Variants in PTPRD observed in about 807,000 individuals in gnomAD.
PTPRD encodes receptor-type tyrosine-protein phosphatase delta.
In PTPRD, 34 loss-of-function variants were observed where a neutral mutation model predicts 214.5. The ratio of observed to expected loss-of-function variants is 0.16; its 90% CI spans 0.12 to 0.21. PTPRD has a LOEUF of 0.21. Ranked by LOEUF, PTPRD falls within the 10% of genes least tolerant of loss-of-function variation. The pLI is 1.00. For synonymous variants in PTPRD, 1,128 were observed against 845.7 expected (o/e 1.33, Z -5.79); for missense variants, 2,545 against 2,398.7 (o/e 1.06, Z -1.27).
intron 8 of PTPRD, among the ~76,000 whole-genome samples, chr9:9,470,097 T>TGGTG (rs2094488353): frequency 2.0e-5 from 3 of 152,164 alleles, no homozygotes; most frequent in Non-Finnish European, 4.4e-5. Context: ...TGTAATAAAG[T>TGGTG]GCCAGTGGTG....
At chr9:9,875,193 G>C (rs1021454897) in intron 5 of PTPRD, among the ~76,000 whole-genome samples, 5 of 151,820 alleles carry the variant, frequency 3.3e-5, no homozygotes, top group Non-Finnish European at 7.4e-5. Flanking sequence ...TCAACTTGGG[G>C]CCCTAGATAA....
chr9:9,411,262 CTT>C (rs34617237), intron 8 of PTPRD, among the ~76,000 whole-genome samples: 1 of 139,840 alleles, frequency 7.2e-6, no homozygotes. Context: ...AGCATTGTGT[CTT>C]TTTTTTTTTT....
At chr9:10,076,914 A>G (rs2098140857) in intron 3 of PTPRD, among the ~76,000 whole-genome samples, 1 of 152,172 alleles carries the variant, frequency 6.6e-6, no homozygotes, top group Non-Finnish European at 1.5e-5. Context: ...TAGATGTTGC[A>G]GCACCAATGA....
chr9:9,498,275 G>T (rs2096273392), intron 8 of PTPRD, among the ~76,000 whole-genome samples: 1 of 152,120 alleles, frequency 6.6e-6, no homozygotes, highest in Non-Finnish European at 1.5e-5. Flanking sequence ...GTATTACGCA[G>T]TCTTGTAAGC....
At chr9:10,425,589 A>C (rs867970686) in intron 2 of PTPRD, among the ~76,000 whole-genome samples, 2 of 151,980 alleles carry the variant, frequency 1.3e-5, no homozygotes, top group Non-Finnish European at 1.5e-5. Context: ...AACTCATTTC[A>C]AACAAAATGC....
chr9:8,848,859 T>C (rs1156448762), intron 11 of PTPRD, among the ~76,000 whole-genome samples: 1 of 130,006 alleles, frequency 7.7e-6, no homozygotes, highest in Non-Finnish European at 1.7e-5. Context: ...TTCTGTGAAA[T>C]GATGATAATA....
chr9:8,965,406 T>A (rs2099187625), intron 11 of PTPRD, among the ~76,000 whole-genome samples: 1 of 151,652 alleles, frequency 6.6e-6, no homozygotes, highest in African/African-American at 2.4e-5. Flanking sequence ...AAATTCTTAG[T>A]TTTCTGCCTC....
At position 9,822,085 on chromosome 9, in the gene PTPRD, C is replaced by A. The variant is rs972492816; in HGVS notation, c.-367-55234G>T. On this transcript the variant is annotated intron_variant, in intron 5 of 45. Coordinates refer to ENST00000381196, the MANE Select transcript of PTPRD (RefSeq NM_002839.4). ...AAAATCATTATAACTGTAAATTTAT[C>A]ACATAAACTCACTTGAAAATTGGCC... Among the ~76,000 whole-genome samples the A allele has an allele frequency of 1.6e-4, 24 of 151,686 alleles. 1 individual carries two copies. The highest frequency in any genetic ancestry group is 5.8e-4 in the African/African-American group (24 of 41,426).
At chr9:8,811,078 C>T (rs2096792526) in intron 11 of PTPRD, among the ~76,000 whole-genome samples, 1 of 152,134 alleles carries the variant, frequency 6.6e-6, no homozygotes, top group Admixed American at 6.5e-5. Flanking sequence ...TGAGTGAAAT[C>T]GAAGTTGACC....
intron 5 of PTPRD, among the ~76,000 whole-genome samples, chr9:9,892,468 T>C (rs547296050): frequency 3.6e-4 from 54 of 152,086 alleles, no homozygotes; most frequent in African/African-American, 1.3e-3. Context: ...AGACGGAAAG[T>C]AAAAGTAGAG....
intron 2 of PTPRD, among the ~76,000 whole-genome samples, chr9:10,585,519 C>T (rs1306951231): frequency 6.6e-6 from 1 of 151,980 alleles, no homozygotes; most frequent in African/African-American, 2.4e-5. Context: ...CAAAGAATTT[C>T]AGGGCTGAAA....
chr9:8,776,757 T>A (rs1299444173), intron 11 of PTPRD, among the ~76,000 whole-genome samples: 1 of 149,308 alleles, frequency 6.7e-6, no homozygotes, highest in Non-Finnish European at 1.5e-5. Flanking sequence ...TAGGCTATTT[T>A]TTTTTTGAAG....
At chr9:9,858,604 AG>A (rs1185525359) in intron 5 of PTPRD, among the ~76,000 whole-genome samples, 1 of 152,256 alleles carries the variant, frequency 6.6e-6, no homozygotes, top group East Asian at 1.9e-4. Flanking sequence ...AGCAGCAGTT[AG>A]CCATTGGTCC....
chr9:9,781,100 C>A (rs1426209972), intron 5 of PTPRD, among the ~76,000 whole-genome samples: 1 of 152,092 alleles, frequency 6.6e-6, no homozygotes, highest in Non-Finnish European at 1.5e-5. Flanking sequence ...CTGCTTGATG[C>A]TTTCATGGTG....
At chr9:10,010,025 G>T (rs140878782) in intron 4 of PTPRD, among the ~76,000 whole-genome samples, 1 of 151,848 alleles carries the variant, frequency 6.6e-6, no homozygotes, top group African/African-American at 2.4e-5. Flanking sequence ...CCCCTTGGCC[G>T]AGAGGAGGGG....
chr9:9,513,806 C>T (rs1189530090), intron 8 of PTPRD, among the ~76,000 whole-genome samples: 1 of 151,906 alleles, frequency 6.6e-6, no homozygotes, highest in Non-Finnish European at 1.5e-5. Flanking sequence ...ATTGAAAGGG[C>T]AAAACTCTTG....
intron 9 of PTPRD, among the ~76,000 whole-genome samples, chr9:9,340,155 A>T (rs79710265): frequency 0.014 from 2,058 of 152,242 alleles, 45 homozygotes; most frequent in African/African-American, 0.047. Context: ...GTAAAGTGAT[A>T]CTGACTGATG....
At chr9:10,451,860 C>T (rs1422729305) in intron 2 of PTPRD, among the ~76,000 whole-genome samples, 2 of 152,054 alleles carry the variant, frequency 1.3e-5, no homozygotes, top group Admixed American at 6.5e-5. Context: ...TCACCCTACT[C>T]GTATGTTACA....
intron 9 of PTPRD, among the ~76,000 whole-genome samples, chr9:9,220,100 T>C (rs2099954841): frequency 6.6e-6 from 1 of 152,108 alleles, no homozygotes; most frequent in African/African-American, 2.4e-5. Flanking sequence ...GAAAATGCTG[T>C]GAACCTTTTC....
Sources: allele counts gnomAD v4.1 joint callset (sites outside exome capture counted in the v4.1 genomes callset), GRCh38; gene constraint gnomAD v4.1.1; transcripts MANE v1.5; gene names NCBI Gene and HGNC (gene_info 2026-07-23, HGNC 2026-07-21).